The following TOPBP1 variants were observed in gnomAD, a reference collection of about 807,000 sequenced individuals.
The protein encoded by TOPBP1 is DNA topoisomerase 2-binding protein 1.
A neutral mutation model predicts 167.7 loss-of-function variants in TOPBP1; 28 were observed. The observed-to-expected ratio is 0.17, with a 90% CI of 0.12 to 0.23. The LOEUF (loss-of-function observed/expected upper bound fraction) is 0.23, where lower values mean the gene tolerates loss of function less well. TOPBP1 is among the 10% of genes least tolerant of loss of function. The probability of loss-of-function intolerance (pLI) is 1.00; values close to 1 mark genes in which losing one functional copy is unlikely to be tolerated. For synonymous variants in TOPBP1, 598 were observed against 611.4 expected, an observed-to-expected ratio of 0.98 and a Z score of 0.32; for missense variants, 1,554 against 1,809.6, an observed-to-expected ratio of 0.86 and a Z score of 2.56.
rs1935153886 is a variant in TOPBP1, at chr3:133,623,211, T to C, written c.3076-18A>G. On this transcript the variant is annotated intron_variant, in intron 18 of 27. Transcript: ENST00000260810. ...GGATCTGGCTATTGAAAAAGAAAAATTATAAATTCTCAAACCAAGCCACTG... is the reference window on the plus strand; with the variant it reads ...GGATCTGGCTATTGAAAAAGAAAAACTATAAATTCTCAAACCAAGCCACTG... The C allele has an allele frequency of 6.2e-7, 1 of 1,610,314 alleles. No homozygotes were observed. The highest frequency in any genetic ancestry group is 8.5e-7 in the Non-Finnish European group (1 of 1,178,298).
chr3:133,626,554 T>C (rs754060030), intron 16 of TOPBP1, among the ~76,000 whole-genome samples: 3 of 152,216 alleles, frequency 2.0e-5, no homozygotes, highest in Non-Finnish European at 4.4e-5. Context: ...AGTTTTAATA[T>C]ACACTAATAT....
intron 10 of TOPBP1, 52 bp downstream of exon 10, chr3:133,649,331 G>C: frequency 6.4e-7 from 1 of 1,571,082 alleles, no homozygotes; most frequent in Non-Finnish European, 8.6e-7. Context: ...GTACGTATTA[G>C]GCTACTAAAA....
At position 133,611,071 on chromosome 3, in the gene TOPBP1, C is replaced by T. The variant is rs774503995; in HGVS notation, c.4106G>A (p.Arg1369Lys). The T allele has an allele frequency of 6.2e-7, 1 of 1,613,288 alleles. No homozygotes were observed. Among genetic ancestry groups the T allele is most frequent in the Non-Finnish European group, 8.5e-7 (1 of 1,179,556 alleles). ...CCATCTCATTGCTGCAAGTGCTAGT[C>T]TTCGTTGCTGTACATTGATTCCAGT... ...VLTGINVQQR[R>K]LALAAMRWRK... is the part of the protein sequence containing the mutation. Residue 1369 changes from arginine (R) to lysine (K), a missense_variant, in exon 25 of 28, where the codon AGA (arginine) becomes AAA (lysine). Physicochemically the swap from Arg to Lys is conservative, Grantham distance 26. Around this residue, in one of 3 missense-constraint regions of TOPBP1, gnomAD observed 351 missense variants for 432.9 expected, o/e 0.81. Transcript: ENST00000260810.
intron 12 of TOPBP1, among the ~76,000 whole-genome samples, chr3:133,641,896 C>T (rs1202609608): frequency 1.3e-5 from 2 of 152,176 alleles, no homozygotes; most frequent in African/African-American, 2.4e-5. Flanking sequence ...TTAAGTCCAC[C>T]ACCCAGGTCA....
chr3:133,616,122 C>CTT (rs200080685), intron 23 of TOPBP1, among the ~76,000 whole-genome samples: 6 of 141,284 alleles, frequency 4.2e-5, no homozygotes, highest in East Asian at 2.0e-4. Flanking sequence ...TTTCTTTTCC[C>CTT]TTTTTTTTTT....
intron 2 of TOPBP1, 112 bp from the exon 3 acceptor site, chr3:133,659,262 T>A (rs547974191): frequency 4.4e-6 from 5 of 1,125,594 alleles, no homozygotes; most frequent in African/African-American, 3.2e-5. Context: ...CACCATCACA[T>A]CTCACTTAGA....
chr3:133,621,480 T>C (rs771674737), intron 19 of TOPBP1, among the ~76,000 whole-genome samples: 1 of 152,144 alleles, frequency 6.6e-6, no homozygotes, highest in African/African-American at 2.4e-5. Context: ...AATATAACTA[T>C]TTACAAAACA....
intron 26 of TOPBP1, 56 bp downstream of exon 26, chr3:133,608,817 A>G (rs1934582210): frequency 1.3e-6 from 2 of 1,576,948 alleles, no homozygotes; most frequent in Non-Finnish European, 8.6e-7. Context: ...CATCATAGCA[A>G]TCTTGGTTAG....
intron 8 of TOPBP1, 57 bp downstream of exon 8, chr3:133,652,406 G>A: frequency 6.3e-6 from 10 of 1,580,328 alleles, no homozygotes; most frequent in Non-Finnish European, 8.6e-6. Flanking sequence ...TTCAAAGTCA[G>A]GCTAGGAAAT....
rs1473992699 is a variant in TOPBP1 at position 133,605,480 on chromosome 3, C to G, written c.4425+3055G>C. ...AGTGGGACTGATACATGAAACTTAACATTTGAAAATGTAATTCCCCATAGT... is the reference window on the plus strand; with the variant it reads ...AGTGGGACTGATACATGAAACTTAAGATTTGAAAATGTAATTCCCCATAGT... On this transcript the variant is annotated intron_variant, in intron 27 of 27. Transcript: ENST00000260810. Among the ~76,000 whole-genome samples, 10 of 30,498 alleles carry G rather than the reference C, an allele frequency of 3.3e-4. No homozygotes were observed. The African/African-American group carries it at 3.6e-3, about 11-fold the overall frequency. 20.0% of individuals were successfully genotyped at this position (30,498 alleles called of 152,430 possible).
At chr3:133,608,723 A>T (rs763858574) in intron 26 of TOPBP1, 27 bp from the exon 27 acceptor site, 2 of 1,610,916 alleles carry the variant, frequency 1.2e-6, no homozygotes, top group Non-Finnish European at 1.7e-6. Context: ...GTAGTATCAC[A>T]ATCTACCAGT....
chr3:133,611,202 C>T (rs1934664517), intron 24 of TOPBP1, 61 bp from the exon 25 acceptor site: 44 of 1,493,874 alleles, frequency 2.9e-5, no homozygotes, highest in Non-Finnish European at 3.9e-5. Flanking sequence ...GTGCAACATA[C>T]AGGGCTCCTC....
intron 16 of TOPBP1, 81 bp downstream of exon 16, chr3:133,628,281 C>A: frequency 8.8e-6 from 11 of 1,253,470 alleles, no homozygotes; most frequent in Non-Finnish European, 1.2e-5. Context: ...TAAATGTATT[C>A]TTGTAGATGC....
chr3:133,632,661 T>A (rs555669297), intron 14 of TOPBP1, among the ~76,000 whole-genome samples: 18 of 152,356 alleles, frequency 1.2e-4, no homozygotes, highest in Non-Finnish European at 2.5e-4. Flanking sequence ...TACCTTCCTC[T>A]ACTTAAGAAG....
At chr3:133,659,274 C>T (rs1250804567) in intron 2 of TOPBP1, 124 bp from the exon 3 acceptor site, 1 of 993,158 alleles carries the variant, frequency 1.0e-6, no homozygotes, top group Non-Finnish European at 1.4e-6. Flanking sequence ...TCACTTAGAC[C>T]TCTGCAGAAG....
intron 10 of TOPBP1, among the ~76,000 whole-genome samples, chr3:133,647,745 A>T (rs1040025975): frequency 2.6e-5 from 4 of 152,224 alleles, no homozygotes; most frequent in Admixed American, 2.6e-4. Flanking sequence ...ATTAATTATT[A>T]AAACAGAAAA....
intron 10 of TOPBP1, among the ~76,000 whole-genome samples, chr3:133,647,095 C>G (rs1936100323): frequency 6.6e-6 from 1 of 152,122 alleles, no homozygotes; most frequent in Non-Finnish European, 1.5e-5. Context: ...AAGCCCAGAA[C>G]CCATGAAGAG....
chr3:133,660,883 T>C (rs536085236), intron 2 of TOPBP1, among the ~76,000 whole-genome samples, 161 bp downstream of exon 2: 16 of 152,266 alleles, frequency 1.1e-4, no homozygotes, highest in African/African-American at 3.6e-4. Flanking sequence ...TGTACTTAGA[T>C]CAATTCAAAA....
chr3:133,612,384 C>T lies in TOPBP1; in HGVS notation c.4035+5G>A, dbSNP rs760770890. ...AAATAAACTTCCACAAATCTGAATA[C>T]ACACCTGCACGAAGTGTCCAGCAGT... On this transcript the variant is annotated splice_donor_5th_base_variant and intron_variant, in intron 24 of 27. Transcript: ENST00000260810. The T allele has an allele frequency of 6.2e-7, 1 of 1,613,514 alleles. No homozygotes were observed. The highest frequency in any genetic ancestry group is 1.7e-5 in the Admixed American group (1 of 59,926).
Sources: allele counts gnomAD v4.1 joint callset (sites outside exome capture counted in the v4.1 genomes callset), GRCh38; gene constraint gnomAD v4.1.1; regional missense constraint gnomAD v4.1.1; transcripts MANE v1.5; gene names NCBI Gene and HGNC (gene_info 2026-07-23, HGNC 2026-07-21).